DLGAP2: variants seen among roughly 807,000 people sequenced by gnomAD.
The protein encoded by DLGAP2 is disks large-associated protein 2.
A neutral mutation model predicts 100.3 loss-of-function variants in DLGAP2; 26 were observed. The observed-to-expected ratio is 0.26, with a 90% CI of 0.19 to 0.36. The LOEUF (loss-of-function observed/expected upper bound fraction) is 0.36. Ranked by LOEUF, DLGAP2 falls within the 10% of genes least tolerant of loss-of-function variation. The pLI is 1.00. For missense variants in DLGAP2, 1,858 were observed against 1,453.2 expected, an observed-to-expected ratio of 1.28 and a Z score of -4.53; for synonymous variants, 886 against 630.1, an observed-to-expected ratio of 1.41 and a Z score of -6.08.
intron 3 of DLGAP2, among the ~76,000 whole-genome samples, chr8:1,316,457 C>T (rs201677594): frequency 0.085 from 8,356 of 98,736 alleles, 235 homozygotes; most frequent in East Asian, 0.13. Context: ...TCGAGAAACT[C>T]GGCAGCTTTT....
At chr8:1,358,163 T>C (rs888526431) in intron 3 of DLGAP2, among the ~76,000 whole-genome samples, 1 of 152,132 alleles carries the variant, frequency 6.6e-6, no homozygotes, top group Non-Finnish European at 1.5e-5. Context: ...TTTTCTGAAG[T>C]AGCTTTGTAG....
intron 6 of DLGAP2, among the ~76,000 whole-genome samples, chr8:1,597,412 A>G (rs534039556): frequency 7.3e-4 from 110 of 151,698 alleles, no homozygotes; most frequent in African/African-American, 2.4e-3. Context: ...AAGAAAGTCA[A>G]TGGGAGCTTG....
At chr8:1,439,950 A>G (rs1396185226) in intron 3 of DLGAP2, among the ~76,000 whole-genome samples, 1 of 152,182 alleles carries the variant, frequency 6.6e-6, no homozygotes, top group African/African-American at 2.4e-5. Flanking sequence ...AGGTCACAGT[A>G]TATTTTGATA....
chr8:1,479,920 C>A (rs542077098), intron 3 of DLGAP2, among the ~76,000 whole-genome samples: 5 of 152,156 alleles, frequency 3.3e-5, no homozygotes, highest in African/African-American at 1.2e-4. Context: ...ATCTCAGCTG[C>A]GTATGTAAAT....
chr8:1,344,621 C>T (rs1276434457), intron 3 of DLGAP2, among the ~76,000 whole-genome samples: 1 of 152,098 alleles, frequency 6.6e-6, no homozygotes, highest in African/African-American at 2.4e-5. Context: ...TCAGGAAAAC[C>T]CGGCACTGGT....
chr8:1,101,393 G>C (rs188446276), intron 2 of DLGAP2, among the ~76,000 whole-genome samples: 2 of 152,324 alleles, frequency 1.3e-5, no homozygotes, highest in East Asian at 3.9e-4. Flanking sequence ...CTACAAAGTG[G>C]ATGAACCTTG....
intron 3 of DLGAP2, among the ~76,000 whole-genome samples, chr8:1,276,185 G>A (rs1799690080): frequency 6.7e-6 from 1 of 149,416 alleles, no homozygotes; most frequent in African/African-American, 2.5e-5. Context: ...TCAAGGAGTT[G>A]CTCTCTCTCA....
chr8:1,428,888 G>C (rs1291899694), intron 3 of DLGAP2, among the ~76,000 whole-genome samples: 2 of 152,224 alleles, frequency 1.3e-5, no homozygotes, highest in East Asian at 1.9e-4. Flanking sequence ...CCATGCACAG[G>C]ACGTCGTCTC....
chr8:1,158,169 ATT>A (rs1247667598), intron 2 of DLGAP2, among the ~76,000 whole-genome samples: 6 of 152,196 alleles, frequency 3.9e-5, no homozygotes. Flanking sequence ...ACTCAAACAT[ATT>A]TGGTCAGCCT....
intron 2 of DLGAP2, among the ~76,000 whole-genome samples, chr8:1,197,811 G>C (rs912918152): frequency 6.6e-6 from 1 of 152,154 alleles, no homozygotes; most frequent in Admixed American, 6.5e-5. Context: ...TTCATCTCCT[G>C]GGCCTCCTGC....
chr8:762,117 T>C (rs1373974093), intron 1 of DLGAP2, among the ~76,000 whole-genome samples: 1 of 152,206 alleles, frequency 6.6e-6, no homozygotes, highest in African/African-American at 2.4e-5. Context: ...TGTCTCTTTG[T>C]GAGCAAAGTT....
intron 3 of DLGAP2, among the ~76,000 whole-genome samples, chr8:1,335,417 G>T (rs139241938): frequency 1.3e-5 from 2 of 152,200 alleles, no homozygotes; most frequent in Non-Finnish European, 2.9e-5. Context: ...TGTTCTGTGG[G>T]CTGACACTAT....
At chr8:1,040,153 C>T (rs573013876) in intron 2 of DLGAP2, among the ~76,000 whole-genome samples, 4 of 142,074 alleles carry the variant, frequency 2.8e-5, no homozygotes, top group African/African-American at 5.3e-5. Context: ...TGCACGTGTT[C>T]GGCTCGGTGT....
At chr8:821,966 C>T in intron 1 of DLGAP2, 1 of 394,550 alleles carries the variant, frequency 2.5e-6, no homozygotes, top group Non-Finnish European at 4.5e-6. Context: ...TGCCATATTG[C>T]TCTTTTCAGC....
intron 1 of DLGAP2, among the ~76,000 whole-genome samples, chr8:847,773 C>G (rs1249249317): frequency 6.6e-6 from 1 of 152,210 alleles, no homozygotes; most frequent in Non-Finnish European, 1.5e-5. Context: ...TCCCAAAGTG[C>G]TGGCATTACA....
rs1798799749 is a variant in DLGAP2, at chr8:1,241,665, C to G, written c.74-17186C>G. On this transcript the variant is annotated intron_variant, in intron 2 of 14. Coordinates refer to ENST00000637795, the MANE Select transcript of DLGAP2 (RefSeq NM_001346810.2). ...ACTCCATTTTAACCAGTGGAAATGA[C>G]TTGAATTAACTGTATAATTTTAATT... 3.3e-5 allele frequency among the ~76,000 whole-genome samples: 5 copies of G among 151,960 alleles called. No homozygotes were observed. The South Asian group carries it at 1.0e-3, about 32-fold the overall frequency.
intron 3 of DLGAP2, among the ~76,000 whole-genome samples, chr8:1,278,238 T>C (rs1053456293): frequency 1.1e-4 from 17 of 152,258 alleles, no homozygotes; most frequent in African/African-American, 3.6e-4. Context: ...CTCTCAATTA[T>C]TTTATCTATA....
At chr8:1,297,443 C>G (rs60804675) in intron 3 of DLGAP2, among the ~76,000 whole-genome samples, 30,016 of 149,300 alleles carry the variant, frequency 0.2, 3,234 homozygotes, top group South Asian at 0.34. Context: ...CCACGCGAGA[C>G]AGGGAGGAGA....
At chr8:1,447,937 C>G (rs1030860897) in intron 3 of DLGAP2, among the ~76,000 whole-genome samples, 1 of 152,112 alleles carries the variant, frequency 6.6e-6, no homozygotes, top group African/African-American at 2.4e-5. Flanking sequence ...GTGATATCCC[C>G]TTTATCTTTT....
Sources: allele counts gnomAD v4.1 joint callset (sites outside exome capture counted in the v4.1 genomes callset), GRCh38; gene constraint gnomAD v4.1.1; transcripts MANE v1.5; gene names NCBI Gene and HGNC (gene_info 2026-07-23, HGNC 2026-07-21).